The following ATP2C1 variants were observed in gnomAD, a reference collection of about 807,000 sequenced individuals.
ATP2C1 encodes the protein calcium-transporting ATPase type 2C member 1.
ATP2C1 carries 31 observed loss-of-function variants against 120.5 expected under a neutral mutation model. That is an observed-to-expected ratio of 0.26 (90% CI 0.19 to 0.35). The LOEUF (loss-of-function observed/expected upper bound fraction) is 0.35. ATP2C1 is among the 10% of genes least tolerant of loss of function. The probability of loss-of-function intolerance (pLI) is 1.00; values close to 1 mark genes in which losing one functional copy is unlikely to be tolerated. For synonymous variants in ATP2C1, 351 were observed against 358.7 expected, an observed-to-expected ratio of 0.98 and a Z score of 0.24; for missense variants, 731 against 1,107.5, an observed-to-expected ratio of 0.66 and a Z score of 4.83.
At chr3:130,877,613 G>A (rs1403619491) in intron 1 of ATP2C1, among the ~76,000 whole-genome samples, 2 of 145,850 alleles carry the variant, frequency 1.4e-5, no homozygotes, top group African/African-American at 5.1e-5. Flanking sequence ...CAGTTAGAAC[G>A]GGATCATTAA....
chr3:130,869,344 A>G (rs562962561), intron 1 of ATP2C1: 50 of 157,572 alleles, frequency 3.2e-4, no homozygotes, highest in African/African-American at 1.3e-3. Flanking sequence ...TCACTTGTTT[A>G]TCTGCTGACC....
intron 1 of ATP2C1, chr3:130,868,997 G>C: frequency 5.1e-6 from 1 of 195,220 alleles, no homozygotes; most frequent in South Asian, 5.9e-5. Context: ...GGGAAGGGTG[G>C]GGAAAAAATT....
chr3:130,991,718 A>C (rs975059326), intron 20 of ATP2C1, among the ~76,000 whole-genome samples: 1 of 152,232 alleles, frequency 6.6e-6, no homozygotes, highest in Admixed American at 6.5e-5. Context: ...GAATTTCTGG[A>C]GTAATGGTCT....
At position 130,996,037 on chromosome 3, in the gene ATP2C1, T is replaced by G. The variant is rs774995587; in HGVS notation, c.2058-6T>G. The G allele has an allele frequency of 6.4e-7, 1 of 1,551,812 alleles. No individual in the cohort carries two copies. The highest frequency in any genetic ancestry group is 1.4e-5 in the African/African-American group (1 of 73,650). On this transcript the variant is annotated splice_polypyrimidine_tract_variant and splice_region_variant and intron_variant, in intron 22 of 27. Transcript: ENST00000510168. ...TCTCACTTCATCTTTATTTTTTAAATTTCAGGTCTGCAATCGAAGAGGGTA... is the reference window on the plus strand; with the variant it reads ...TCTCACTTCATCTTTATTTTTTAAAGTTCAGGTCTGCAATCGAAGAGGGTA...
At chr3:130,864,958 G>T (rs766451474) in intron 1 of ATP2C1, among the ~76,000 whole-genome samples, 9 of 152,198 alleles carry the variant, frequency 5.9e-5, no homozygotes, top group Non-Finnish European at 8.8e-5. Context: ...GTGGAGCTGT[G>T]AGAAGAGGGC....
chr3:130,963,437 T>C (rs1340560618), intron 12 of ATP2C1: 1 of 156,650 alleles, frequency 6.4e-6, no homozygotes, highest in Admixed American at 6.2e-5. Context: ...CTTTTTTCAC[T>C]TAGCATAATG....
At chr3:130,885,946 G>A (rs1320670728) in intron 1 of ATP2C1, among the ~76,000 whole-genome samples, 1 of 152,114 alleles carries the variant, frequency 6.6e-6, no homozygotes, top group East Asian at 1.9e-4. Flanking sequence ...TATTCATATA[G>A]ATGATTTCTT....
At chr3:130,908,495 T>G (rs964257534) in intron 2 of ATP2C1, among the ~76,000 whole-genome samples, 2 of 151,936 alleles carry the variant, frequency 1.3e-5, no homozygotes, top group Non-Finnish European at 2.9e-5. Context: ...CAGAAATACT[T>G]GTATACACAC....
In ATP2C1 at chr3:130,850,979, T is replaced by C. The variant is rs1023869206; in HGVS notation, c.108+51T>C. 13 of 1,030,808 alleles carry C rather than the reference T, an allele frequency of 1.3e-5. No individual in the cohort carries two copies. The Admixed American group carries it at 2.0e-4, about 16-fold the overall frequency. 63.9% of individuals were successfully genotyped at this position (1,030,808 alleles called of 1,614,324 possible). On this transcript the variant is annotated intron_variant, in intron 1 of 26. Transcript: ENST00000504381. ...AAAATGAACGGGTGCTTGTTCCTTG[T>C]TGCTTTTACGTCGCTTAGTGATTTC...
chr3:130,850,772 T>A, exon 1 of ATP2C1: 1 of 879,546 alleles, frequency 1.1e-6, no homozygotes, highest in Non-Finnish European at 1.6e-6. Context: ...TAATTTCATA[T>A]GGTTGCTGAC....
At position 130,998,304 on chromosome 3, in the gene ATP2C1, A is replaced by G; in HGVS notation, c.2402A>G (p.Asn801Ser). The G allele has an allele frequency of 6.2e-7, 1 of 1,609,664 alleles. No homozygotes were observed. Among genetic ancestry groups the G allele is most frequent in the South Asian group, 1.1e-5 (1 of 91,008 alleles). ...LFVFWRELRD[N>S]VITPRDTTMT... ...ATTGCCTCTTGACAGCTACGAGACA[A>G]TGTGATTACACCTCGAGACACAACA... Residue 801 changes from asparagine to serine, a missense_variant, in exon 26 of 28, where the codon AAT (asparagine) becomes AGT (serine). Transcript: ENST00000510168.
intron 2 of ATP2C1, among the ~76,000 whole-genome samples, chr3:130,906,373 T>A (rs1467438472): frequency 6.6e-6 from 1 of 152,104 alleles, no homozygotes; most frequent in Non-Finnish European, 1.5e-5. Flanking sequence ...TGTTAGTACT[T>A]CATTTCTTTT....
upstream of ATP2C1, among the ~76,000 whole-genome samples, chr3:130,893,774 G>A (rs1187666260): frequency 6.6e-6 from 1 of 152,202 alleles, no homozygotes; most frequent in Non-Finnish European, 1.5e-5. Flanking sequence ...CGCGTTCAGG[G>A]GGTGCATATA....
intron 12 of ATP2C1, chr3:130,963,027 T>G (rs570929008): frequency 1.3e-5 from 2 of 152,096 alleles, no homozygotes; most frequent in South Asian, 4.1e-4. Context: ...AGTGGTAGAA[T>G]GAAGGGTTAA....
rs547928909 is a variant in ATP2C1 at position 130,987,123 on chromosome 3, G to T, written c.1840-5828G>T. On this transcript the variant is annotated intron_variant, in intron 20 of 27. Coordinates refer to ENST00000510168, the MANE Select transcript of ATP2C1 (RefSeq NM_001378687.1). ...TTGGGTAATTAAAAAAAAAAAAAAA[G>T]AAAGAAAATCCATTTCTGAATGGAT... is the stretch of plus-strand genomic sequence containing the variant. 2.0e-5 allele frequency among the ~76,000 whole-genome samples: 3 copies of T among 149,134 alleles called. No individual in the cohort carries two copies. The South Asian group carries it at 6.4e-4, about 32-fold the overall frequency.
At chr3:130,916,646 A>G (rs1481910639) in intron 2 of ATP2C1, among the ~76,000 whole-genome samples, 1 of 152,094 alleles carries the variant, frequency 6.6e-6, no homozygotes, top group African/African-American at 2.4e-5. Context: ...GGCAGAATTC[A>G]AGTTCCCTGA....
At chr3:130,974,667 A>G (rs965220374) in intron 17 of ATP2C1, among the ~76,000 whole-genome samples, 8 of 152,166 alleles carry the variant, frequency 5.3e-5, no homozygotes, top group African/African-American at 1.4e-4. Context: ...GAGGGGGGGA[A>G]TAGATAGTGG....
At chr3:130,861,057 G>A (rs2067998427) in intron 1 of ATP2C1, among the ~76,000 whole-genome samples, 1 of 152,152 alleles carries the variant, frequency 6.6e-6, no homozygotes, top group African/African-American at 2.4e-5. Flanking sequence ...ATCAGTTGAG[G>A]TCAGGAGTTC....
intron 20 of ATP2C1, among the ~76,000 whole-genome samples, chr3:130,986,184 C>CTTTTTTTTTT (rs34877609): frequency 7.4e-6 from 1 of 135,160 alleles, no homozygotes; most frequent in Admixed American, 7.4e-5. Context: ...TTGAATAGGG[C>CTTTTTTTTTT]TTTTTTTTTT....
Sources: gnomAD v4.1 joint callset for allele counts (sites outside exome capture counted in the v4.1 genomes callset) on GRCh38, gnomAD v4.1.1 for gene constraint, MANE v1.5 for transcripts, NCBI Gene and HGNC (gene_info 2026-07-23, HGNC 2026-07-21) for gene names.